The following NTM variants were observed in gnomAD, a reference collection of about 807,000 sequenced individuals.
NTM encodes the protein IgLON family member 2.
NTM carries 13 observed loss-of-function variants against 42.1 expected under a neutral mutation model. The observed-to-expected ratio is 0.31, with a 90% CI of 0.20 to 0.49. NTM has a LOEUF of 0.49. Among genes scored for constraint, NTM ranks in the 20% least tolerant of loss-of-function variants. The pLI is 0.99. For synonymous variants in NTM, 187 were observed against 179.2 expected, an observed-to-expected ratio of 1.04 and a Z score of -0.35; for missense variants, 373 against 452.8, an observed-to-expected ratio of 0.82 and a Z score of 1.60.
chr11:131,787,637 G>A (rs2089491393), intron 1 of NTM, among the ~76,000 whole-genome samples: 1 of 152,130 alleles, frequency 6.6e-6, no homozygotes, highest in South Asian at 2.1e-4. Flanking sequence ...ACCCACCTTG[G>A]CCTCCCAAAG....
intron 1 of NTM, among the ~76,000 whole-genome samples, chr11:131,553,734 T>C (rs114466139): frequency 0.013 from 1,940 of 152,322 alleles, 35 homozygotes; most frequent in African/African-American, 0.043. Context: ...ATAATTTTAT[T>C]TGCTTCACTG....
intron 1 of NTM, among the ~76,000 whole-genome samples, chr11:131,466,482 G>A (rs1456844722): frequency 6.6e-6 from 1 of 152,166 alleles, no homozygotes; most frequent in Non-Finnish European, 1.5e-5. Context: ...TGGAGGTTTG[G>A]GAAAAGTGAC....
chr11:131,546,681 A>T (rs143956738), intron 1 of NTM: 1 of 152,288 alleles, frequency 6.6e-6, no homozygotes, highest in Non-Finnish European at 1.5e-5. Flanking sequence ...CACTGGGGGA[A>T]TGTAAATGGA....
rs190191985 is a variant in NTM, at chr11:132,224,260, T to C, written c.526+12113T>C. ...CCCTCAGGAAACAGCTGGGTTTCAA[T>C]AAATGAAGGCAGTTCAGGGAGCACT... On this transcript the variant is annotated intron_variant, in intron 4 of 8. Transcript: ENST00000683400. 2.2e-4 allele frequency among the ~76,000 whole-genome samples: 34 copies of C among 151,958 alleles called. No homozygotes were observed. In the Middle Eastern group the frequency reaches 0.02, roughly 91 times the overall value.
chr11:131,505,232 C>T (rs1234948293), intron 1 of NTM, among the ~76,000 whole-genome samples: 5 of 152,150 alleles, frequency 3.3e-5, no homozygotes, highest in Admixed American at 3.3e-4. Flanking sequence ...TTTAAAAATG[C>T]TCTTTAATCT....
At chr11:131,754,732 C>A (rs75052580) in intron 1 of NTM, among the ~76,000 whole-genome samples, 1 of 152,192 alleles carries the variant, frequency 6.6e-6, no homozygotes, top group African/African-American at 2.4e-5. Context: ...GAGACTTGTA[C>A]ACAAATGTTC....
rs1459770567 is a variant in NTM, at chr11:131,789,973, A to AG, written c.83-121591_83-121590insG. On this transcript the variant is annotated intron_variant, in intron 1 of 8. Coordinates refer to ENST00000683400, the MANE Select transcript of NTM (RefSeq NM_001352005.2). ...TCCGTCTCAAAAAAAAAAAAAAAAA[A>AG]AAAAAAAAGCATGCTTCTCAATGAA... 3.7e-3 allele frequency among the ~76,000 whole-genome samples: 562 copies of AG among 150,414 alleles called. 43 individuals carry two copies. In the East Asian group the frequency reaches 0.1, roughly 28 times the overall value.
At chr11:131,521,131 T>G (rs1008427332) in intron 1 of NTM, among the ~76,000 whole-genome samples, 81 of 151,960 alleles carry the variant, frequency 5.3e-4, no homozygotes, top group African/African-American at 1.9e-3. Context: ...GAGGCCAGCC[T>G]GGCCAATATG....
At chr11:132,134,909 A>G (rs2067593082) in intron 2 of NTM, among the ~76,000 whole-genome samples, 1 of 151,720 alleles carries the variant, frequency 6.6e-6, no homozygotes, top group Non-Finnish European at 1.5e-5. Flanking sequence ...GTAGATACCT[A>G]GTAGTGAGTA....
intron 1 of NTM, among the ~76,000 whole-genome samples, chr11:131,812,284 T>G (rs1396236384): frequency 6.6e-6 from 1 of 151,898 alleles, no homozygotes; most frequent in Non-Finnish European, 1.5e-5. Flanking sequence ...CATTATCATA[T>G]GTGGGCTAAT....
chr11:131,568,443 G>T (rs2057114401), intron 1 of NTM, among the ~76,000 whole-genome samples: 1 of 152,216 alleles, frequency 6.6e-6, no homozygotes, highest in South Asian at 2.1e-4. Context: ...CATTGCAAAT[G>T]CCAGGAGTTA....
rs2070079172 is a variant in NTM at position 132,003,952 on chromosome 11, T to G, written c.167+92304T>G. ...CAGAGCCCCATCCTCATTGTTCAGG[T>G]TTCATCGTCTCCTTAATCAACCATT... On this transcript the variant is annotated intron_variant, in intron 2 of 8. Transcript: ENST00000683400. The surrounding 1 kb of genome is among the most constrained non-coding windows in gnomAD (Gnocchi z 6.0). Among the ~76,000 whole-genome samples the G allele has an allele frequency of 6.6e-6, 1 of 152,214 alleles. No homozygotes were observed. The highest frequency in any genetic ancestry group is 2.4e-5 in the African/African-American group (1 of 41,456).
intron 1 of NTM, among the ~76,000 whole-genome samples, chr11:131,722,303 C>T (rs2078456495): frequency 6.6e-6 from 1 of 152,180 alleles, no homozygotes. Flanking sequence ...CTCTAGTCAG[C>T]CATTTTCCCC....
chr11:131,975,918 A>G (rs2134786376), intron 2 of NTM, among the ~76,000 whole-genome samples: 1 of 152,224 alleles, frequency 6.6e-6, no homozygotes, highest in East Asian at 1.9e-4. Context: ...CCGAGATATG[A>G]TTAACTCAAC....
Position 132,023,810 on chromosome 11 carries a change from T to TG in NTM, c.167+112162_167+112163insG, listed in dbSNP as rs1565969563. Reference sequence around the variant, plus strand: ...TGGTTTTGTTGTTGGTGGTGGTGGTTTTGTTGTTGTTGTTGTTGTTGTTGT... The same window carrying TG: ...TGGTTTTGTTGTTGGTGGTGGTGGTTGTTGTTGTTGTTGTTGTTGTTGTTGT... On this transcript the variant is annotated intron_variant, in intron 2 of 8. Transcript: ENST00000683400. 8.9e-5 allele frequency among the ~76,000 whole-genome samples: 13 copies of TG among 145,432 alleles called. No individual in the cohort carries two copies. The South Asian group carries it at 9.0e-4, about 10-fold the overall frequency.
chr11:131,912,798 C>G (rs1438314044), intron 2 of NTM, among the ~76,000 whole-genome samples: 1 of 152,194 alleles, frequency 6.6e-6, no homozygotes, highest in Admixed American at 6.5e-5. Flanking sequence ...TTTTGCCCCT[C>G]TGATGACTTC....
At chr11:131,962,763 T>C (rs974879613) in intron 2 of NTM, among the ~76,000 whole-genome samples, 6 of 152,170 alleles carry the variant, frequency 3.9e-5, no homozygotes. Flanking sequence ...AGCTGCAGCC[T>C]TCTTGTCAGC....
intron 2 of NTM, among the ~76,000 whole-genome samples, chr11:132,091,715 C>A (rs2060397939): frequency 6.6e-6 from 1 of 152,114 alleles, no homozygotes; most frequent in Non-Finnish European, 1.5e-5. Context: ...CTCCTGGGCT[C>A]AAGCAGTCCT....
chr11:132,320,686 G>GGCCT (rs1004792586), intron 7 of NTM, among the ~76,000 whole-genome samples: 1 of 152,112 alleles, frequency 6.6e-6, no homozygotes, highest in Non-Finnish European at 1.5e-5. Flanking sequence ...AGCTCAAGGA[G>GGCCT]GCCTGCCTGC....
Sources: gnomAD v4.1 joint callset for allele counts (sites outside exome capture counted in the v4.1 genomes callset) on GRCh38, gnomAD v4.1.1 for gene constraint, Gnocchi (gnomAD v3.1) non-coding constraint, MANE v1.5 for transcripts, NCBI Gene and HGNC (gene_info 2026-07-23, HGNC 2026-07-21) for gene names.